The following DMD variants were observed in gnomAD, a reference collection of about 807,000 sequenced individuals.
DMD encodes mutant dystrophin.
In DMD, 63 loss-of-function variants were observed where a neutral mutation model predicts 330.1. The ratio of observed to expected loss-of-function variants is 0.19; its 90% confidence interval spans 0.16 to 0.24. The LOEUF is 0.24. Among genes scored for constraint, DMD ranks in the 10% least tolerant of loss-of-function variants. The probability of loss-of-function intolerance (pLI) is 1.00; values close to 1 mark genes in which losing one functional copy is unlikely to be tolerated. For missense variants in DMD, 3,344 were observed against 2,684.1 expected (o/e 1.25, Z -5.43); for synonymous variants, 1,223 against 959.8 (o/e 1.27, Z -5.07).
At chrX:32,340,191 C>T (rs5927971) in intron 41 of DMD, among the ~76,000 whole-genome samples, 51,055 of 110,495 alleles carry the variant, frequency 0.46, 10,113 homozygotes, top group South Asian at 0.72. Context: ...AATTAAAATA[C>T]GATGCCAAAT....
intron 44 of DMD, among the ~76,000 whole-genome samples, chrX:32,083,493 A>G (rs1314774186): frequency 9.0e-5 from 10 of 110,813 alleles, no homozygotes; most frequent in African/African-American, 3.3e-4. Context: ...TCCTGACCTC[A>G]TGATCCGCCT....
intron 48 of DMD, among the ~76,000 whole-genome samples, chrX:31,858,053 T>C (rs1195593532): frequency 1.8e-5 from 2 of 108,701 alleles, no homozygotes; most frequent in Non-Finnish European, 1.9e-5. Context: ...ATAAGTTGAG[T>C]ACAGCTGACA....
At chrX:32,391,773 G>A (rs974754594) in intron 30 of DMD, among the ~76,000 whole-genome samples, 8 of 111,708 alleles carry the variant, frequency 7.2e-5, no homozygotes, top group African/African-American at 2.6e-4. Flanking sequence ...ATGCAGGGTG[G>A]AGTGATGCTT....
chrX:32,868,021 A>G (rs1341840015), intron 2 of DMD, among the ~76,000 whole-genome samples: 2 of 110,140 alleles, frequency 1.8e-5, no homozygotes, highest in African/African-American at 3.3e-5. Context: ...TGCACCAGCA[A>G]CAGAGGTGTC....
At chrX:31,840,370 T>C (rs1279471585) in intron 48 of DMD, among the ~76,000 whole-genome samples, 2 of 110,071 alleles carry the variant, frequency 1.8e-5, no homozygotes, top group African/African-American at 3.3e-5. Context: ...GTGTGTGATA[T>C]ACATGTATAT....
At chrX:32,786,495 T>C (rs998092037) in intron 7 of DMD, among the ~76,000 whole-genome samples, 1 of 111,585 alleles carries the variant, frequency 9.0e-6, no homozygotes, top group Non-Finnish European at 1.9e-5. Context: ...GCAAGATTTG[T>C]AAACATCCTT....
rs1051332022 is a variant in DMD at position 31,306,673 on chromosome X, C to T, written c.9224+16925G>A. On this transcript the variant is annotated intron_variant, in intron 62 of 78. Coordinates refer to ENST00000357033, the MANE Select transcript of DMD (RefSeq NM_004006.3). ...AAATTCCTAAATTGACAAAGTACTACGTATAAATTAAACAGAAGTTGGTAC... is the reference window on the plus strand; with the variant it reads ...AAATTCCTAAATTGACAAAGTACTATGTATAAATTAAACAGAAGTTGGTAC... Among the ~76,000 whole-genome samples, 7 of 111,867 alleles carry T rather than the reference C, an allele frequency of 6.3e-5. No homozygotes were observed. In the East Asian group the frequency reaches 8.3e-4, roughly 13 times the overall value.
chrX:32,263,820 C>A (rs1477994253), intron 43 of DMD, among the ~76,000 whole-genome samples: 1 of 111,579 alleles, frequency 9.0e-6, no homozygotes, highest in Non-Finnish European at 1.9e-5. Flanking sequence ...CAACCCTTAT[C>A]CTTTCCCTTT....
At chrX:32,583,331 A>G (rs2053869387) in intron 13 of DMD, among the ~76,000 whole-genome samples, 2 of 110,652 alleles carry the variant, frequency 1.8e-5, no homozygotes, top group South Asian at 7.7e-4. Flanking sequence ...CCCTGTCTCT[A>G]CTCAAAATAC....
At chrX:31,539,788 TG>T (rs1362614729) in intron 55 of DMD, among the ~76,000 whole-genome samples, 1 of 112,142 alleles carries the variant, frequency 8.9e-6, no homozygotes, top group African/African-American at 3.2e-5. Flanking sequence ...AGGTAACAAC[TG>T]GAATTGATTC....
At chrX:32,205,010 TACACACAC>T (rs57507348) in intron 44 of DMD, among the ~76,000 whole-genome samples, 1 of 53,071 alleles carries the variant, frequency 1.9e-5, no homozygotes, top group Non-Finnish European at 3.4e-5. Flanking sequence ...CTCTCTCACA[TACACACAC>T]ACACACACAC....
At chrX:31,536,156 G>T (rs922574625) in intron 55 of DMD, among the ~76,000 whole-genome samples, 1 of 111,310 alleles carries the variant, frequency 9.0e-6, no homozygotes, top group African/African-American at 3.3e-5. Context: ...CTAGTCACAT[G>T]GCCTGAAATT....
intron 12 of DMD, among the ~76,000 whole-genome samples, chrX:32,598,005 G>C (rs1213261160): frequency 8.9e-6 from 1 of 112,146 alleles, no homozygotes; most frequent in African/African-American, 3.2e-5. Flanking sequence ...TATCAGTCTA[G>C]CTCTTAGGTA....
chrX:32,879,493 A>G (rs2083699723), intron 2 of DMD, among the ~76,000 whole-genome samples: 1 of 112,279 alleles, frequency 8.9e-6, no homozygotes, highest in Admixed American at 9.5e-5. Flanking sequence ...AAAGATCACC[A>G]TTAATATTTG....
chrX:32,872,675 A>G (rs923127323), intron 2 of DMD, among the ~76,000 whole-genome samples: 4 of 112,330 alleles, frequency 3.6e-5, no homozygotes, highest in Non-Finnish European at 7.5e-5. Flanking sequence ...TAAAAAGGGA[A>G]GAATTACAGA....
chrX:32,646,551 T>C (rs1206328270), intron 9 of DMD, among the ~76,000 whole-genome samples: 3 of 110,804 alleles, frequency 2.7e-5, no homozygotes, highest in Non-Finnish European at 1.9e-5. Context: ...ACAGAAGCTG[T>C]TTGGGGGATT....
intron 47 of DMD, among the ~76,000 whole-genome samples, chrX:31,898,568 G>C (rs183944102): frequency 8.9e-6 from 1 of 111,861 alleles, no homozygotes. Flanking sequence ...CTAGCCATAC[G>C]TAGAAAGCTG....
chrX:32,008,825 C>T (rs1386309823), intron 44 of DMD, among the ~76,000 whole-genome samples: 2 of 110,962 alleles, frequency 1.8e-5, no homozygotes, highest in African/African-American at 6.6e-5. Context: ...GGCAGGAGAA[C>T]TTCTGGCTTG....
intron 1 of DMD, among the ~76,000 whole-genome samples, chrX:33,210,466 A>G (rs1055504565): frequency 6.3e-5 from 7 of 111,062 alleles, no homozygotes; most frequent in Middle Eastern, 4.7e-3. Flanking sequence ...TGACTTTCTT[A>G]AAAATAAACG....
Sources: gnomAD v4.1 joint callset for allele counts (sites outside exome capture counted in the v4.1 genomes callset) on GRCh38, gnomAD v4.1.1 for gene constraint, MANE v1.5 for transcripts, NCBI Gene and HGNC (gene_info 2026-07-23, HGNC 2026-07-21) for gene names.